Variants in RASEF observed in about 807,000 individuals in gnomAD.
The protein encoded by RASEF is RAS and EF-hand domain containing.
Under a neutral mutation model 90.1 loss-of-function variants are expected in RASEF, and 68 were observed. That is an observed-to-expected ratio of 0.75 (90% confidence interval 0.62 to 0.92). RASEF has a LOEUF of 0.92. Among genes scored for constraint, RASEF ranks in the 40% least tolerant of loss-of-function variants. The pLI is 0.00. For synonymous variants in RASEF, 331 were observed against 345.2 expected (o/e 0.96, Z 0.46); for missense variants, 949 against 937.2 (o/e 1.01, Z -0.16).
the RASEF span, among the ~76,000 whole-genome samples, chr9:83,109,810 C>T: frequency 1.8e-4 from 28 of 152,112 alleles, no homozygotes; most frequent in Non-Finnish European, 2.4e-4. Context: ...TCCTCCCAGA[C>T]GCGTTATAAA....
the RASEF span, among the ~76,000 whole-genome samples, chr9:83,082,748 ATTTGT>A: frequency 6.6e-6 from 1 of 152,160 alleles, no homozygotes; most frequent in Non-Finnish European, 1.5e-5. Context: ...CTCCCTTTCT[ATTTGT>A]TTTGACAGTT....
chr9:83,022,065 A>G (rs1458257342), intron 3 of RASEF, among the ~76,000 whole-genome samples: 1 of 152,016 alleles, frequency 6.6e-6, no homozygotes, highest in East Asian at 1.9e-4. Flanking sequence ...CCCCAACCTA[A>G]GCAGCCTCCT....
intron 16 of RASEF, among the ~76,000 whole-genome samples, chr9:82,988,346 T>C (rs1828748175): frequency 6.6e-6 from 1 of 152,210 alleles, no homozygotes; most frequent in Non-Finnish European, 1.5e-5. Flanking sequence ...AATGTGATAT[T>C]AGTCCATGAT....
the RASEF span, among the ~76,000 whole-genome samples, chr9:83,204,999 G>A: frequency 1.3e-5 from 2 of 152,182 alleles, no homozygotes; most frequent in African/African-American, 4.8e-5. Context: ...ATCTCAAAGA[G>A]ATTAAGAAAC....
chr9:83,108,526 G>A, the RASEF span, among the ~76,000 whole-genome samples: 1 of 152,064 alleles, frequency 6.6e-6, no homozygotes, highest in South Asian at 2.1e-4. Flanking sequence ...TTTTTTGTGG[G>A]GGTTCATGGA....
At chr9:83,133,793 G>A in the RASEF span, among the ~76,000 whole-genome samples, 1 of 152,116 alleles carries the variant, frequency 6.6e-6, no homozygotes, top group African/African-American at 2.4e-5. Context: ...CAATAATACT[G>A]ATTTTCCCCT....
chr9:82,986,431 T>C (rs1342624013), intron 16 of RASEF, among the ~76,000 whole-genome samples: 2 of 152,242 alleles, frequency 1.3e-5, no homozygotes, highest in Admixed American at 6.5e-5. Flanking sequence ...GATGTCTCTA[T>C]TGAACATAGC....
At chr9:83,087,405 T>TTCTCTCTCTCTCTCTCTCTCTCTCTC in the RASEF span, among the ~76,000 whole-genome samples, 171 of 115,558 alleles carry the variant, frequency 1.5e-3, 6 homozygotes, top group African/African-American at 2.8e-3. Context: ...TTCTCATTCA[T>TTCTCTCTCTCTCTCTCTCTCTCTCTC]TCTCTCTCTC....
the RASEF span, among the ~76,000 whole-genome samples, chr9:83,213,399 GA>G: frequency 7.2e-3 from 752 of 104,552 alleles, 2 homozygotes; most frequent in East Asian, 0.014. Flanking sequence ...GACTTCATCT[GA>G]AAAAAAAAAA....
At chr9:83,184,301 G>T in the RASEF span, among the ~76,000 whole-genome samples, 1 of 152,164 alleles carries the variant, frequency 6.6e-6, no homozygotes, top group Admixed American at 6.5e-5. Flanking sequence ...AGACACCGGG[G>T]GCAAAGGAAC....
At chr9:83,009,250 G>A (rs1468027073) in intron 6 of RASEF, among the ~76,000 whole-genome samples, 1 of 151,664 alleles carries the variant, frequency 6.6e-6, no homozygotes, top group African/African-American at 2.4e-5. Context: ...AGGTTTTATG[G>A]TATTAACACC....
intron 16 of RASEF, among the ~76,000 whole-genome samples, chr9:82,983,708 T>C (rs1828661364): frequency 6.6e-6 from 1 of 152,234 alleles, no homozygotes. Flanking sequence ...TGGTATTCTG[T>C]GGCTTCTAAA....
chr9:83,144,434 G>GAAAGAAAGAAA, the RASEF span, among the ~76,000 whole-genome samples: 1 of 118,204 alleles, frequency 8.5e-6, no homozygotes, highest in African/African-American at 3.3e-5. Context: ...AAGAAAGAAA[G>GAAAGAAAGAAA]GAAAAGAAAA....
the RASEF span, among the ~76,000 whole-genome samples, chr9:83,152,227 C>T: frequency 6.6e-6 from 1 of 152,186 alleles, no homozygotes; most frequent in South Asian, 2.1e-4. Flanking sequence ...CTAGGAAAAA[C>T]TAAATGTGTG....
chr9:83,200,890 T>G, the RASEF span: 3 of 152,278 alleles, frequency 2.0e-5, no homozygotes, highest in Admixed American at 2.0e-4. Flanking sequence ...GACCTCCAGC[T>G]GACTTTGCTC....
At chr9:83,219,010 T>C in the RASEF span, among the ~76,000 whole-genome samples, 1 of 152,088 alleles carries the variant, frequency 6.6e-6, no homozygotes, top group Non-Finnish European at 1.5e-5. Context: ...GATAAAATGT[T>C]AAGAAGAAAA....
rs552235883 is a variant in RASEF, at chr9:82,986,215, G to A, written c.2118-3433C>T. 3.2e-4 allele frequency among the ~76,000 whole-genome samples: 49 copies of A among 152,314 alleles called. 1 individual carries two copies. The South Asian group carries it at 1.0e-2, about 31-fold the overall frequency. On this transcript the variant is annotated intron_variant, in intron 16 of 16. Transcript: ENST00000376447. ...TGCCACTTACTAGCTGTGTCACTGA[G>A]CAAGCAGATTAAGTATTCTAATTTC...
At chr9:83,163,836 T>A in the RASEF span, among the ~76,000 whole-genome samples, 1 of 151,796 alleles carries the variant, frequency 6.6e-6, no homozygotes, top group Admixed American at 6.6e-5. Flanking sequence ...TTCCCCAAAG[T>A]AATGTCATAA....
At chr9:82,993,628 A>G (rs551149727) in intron 14 of RASEF, among the ~76,000 whole-genome samples, 1 of 152,390 alleles carries the variant, frequency 6.6e-6, no homozygotes, top group African/African-American at 2.4e-5. Context: ...AAAGCAAAAT[A>G]TAAAAGTCCT....
Sources: gnomAD v4.1 joint callset for allele counts (sites outside exome capture counted in the v4.1 genomes callset) on GRCh38, gnomAD v4.1.1 for gene constraint, MANE v1.5 for transcripts, NCBI Gene and HGNC (gene_info 2026-07-23, HGNC 2026-07-21) for gene names.